The following SPATA13 variants were observed in gnomAD, a reference collection of about 807,000 sequenced individuals.
SPATA13 encodes the protein spermatogenesis-associated protein 13.
In SPATA13, 50 loss-of-function variants were observed where a neutral mutation model predicts 104.0. That is an observed-to-expected ratio of 0.48 (90% confidence interval 0.38 to 0.61). SPATA13 has a LOEUF of 0.61. SPATA13 is among the 20% of genes least tolerant of loss of function. SPATA13 has a pLI of 0.00. For missense variants in SPATA13, 1,524 were observed against 1,690.6 expected (o/e 0.90, Z 1.73); for synonymous variants, 606 against 667.5 (o/e 0.91, Z 1.42).
intron 1 of SPATA13, among the ~76,000 whole-genome samples, chr13:24,173,324 A>G (rs1883064214): frequency 1.3e-5 from 2 of 150,788 alleles, no homozygotes; most frequent in Non-Finnish European, 2.9e-5. Context: ...TTTGGCTTGT[A>G]TCCTGCAACC....
In SPATA13 at chr13:24,161,650, A is replaced by G. The variant is rs1882499936; in HGVS notation, c.-112+718A>G. ...GGGCTGGGCCACCCATCTGACTGCA[A>G]GGTTACAGAGCTTGAGCAAATTTCC... On this transcript the variant is annotated intron_variant, in intron 1 of 12. Coordinates refer to ENST00000382108, the MANE Select transcript of SPATA13 (RefSeq NM_001166271.3). This position sits in a 1 kb window ranked among gnomAD's most constrained non-coding sequence, Gnocchi z 4.5. Among the ~76,000 whole-genome samples the G allele has an allele frequency of 6.6e-6, 1 of 152,206 alleles. No individual in the cohort carries two copies. Among genetic ancestry groups the G allele is most frequent in the Admixed American group, 6.5e-5 (1 of 15,288 alleles).
At chr13:24,184,916 A>G (rs537104060) in intron 1 of SPATA13, among the ~76,000 whole-genome samples, 5 of 152,310 alleles carry the variant, frequency 3.3e-5, no homozygotes, top group African/African-American at 7.2e-5. Context: ...GACGGAGTCT[A>G]CGGAAAATGA....
At chr13:24,279,248 G>A (rs1466079448) in intron 4 of SPATA13, among the ~76,000 whole-genome samples, 1 of 152,166 alleles carries the variant, frequency 6.6e-6, no homozygotes, top group East Asian at 1.9e-4. Flanking sequence ...GGGCTGTCAG[G>A]CACACGGAGC....
intron 3 of SPATA13, among the ~76,000 whole-genome samples, chr13:24,128,111 A>G (rs1052139693): frequency 2.0e-5 from 3 of 152,150 alleles, no homozygotes; most frequent in African/African-American, 7.2e-5. Context: ...TGACATATCA[A>G]CTGTAAATCC....
At chr13:24,187,567 A>G (rs556689706) in intron 1 of SPATA13, among the ~76,000 whole-genome samples, 43 of 152,324 alleles carry the variant, frequency 2.8e-4, no homozygotes, top group African/African-American at 9.4e-4. Context: ...CATTGTTACA[A>G]TAGCATGTGC....
At chr13:24,156,400 C>G (rs1230908871), upstream of SPATA13, among the ~76,000 whole-genome samples, 2 of 152,094 alleles carry the variant, frequency 1.3e-5, no homozygotes, top group African/African-American at 2.4e-5. Context: ...AGGGAGGCAC[C>G]GTAGATGGCA....
intron 3 of SPATA13, among the ~76,000 whole-genome samples, chr13:24,097,462 T>C (rs10444656): frequency 0.38 from 58,041 of 151,952 alleles, 11,387 homozygotes; most frequent in Non-Finnish European, 0.42. Flanking sequence ...GTGTGGGTGA[T>C]GACCACTTTT....
At chr13:24,075,949 T>TG (rs962942471) in intron 3 of SPATA13, among the ~76,000 whole-genome samples, 1 of 152,102 alleles carries the variant, frequency 6.6e-6, no homozygotes, top group Non-Finnish European at 1.5e-5. Flanking sequence ...TAGTCTAGAA[T>TG]GGGGGAAAAA....
intron 3 of SPATA13, among the ~76,000 whole-genome samples, chr13:24,104,703 G>A (rs1880381529): frequency 6.6e-6 from 1 of 152,146 alleles, no homozygotes; most frequent in South Asian, 2.1e-4. Flanking sequence ...ATTAACTGAG[G>A]ATCTATCTAA....
In SPATA13 at chr13:24,249,776, C is replaced by T. The variant is rs139541678; in HGVS notation, c.1953C>T (p.Ser651=). The change falls in exon 3 of 13, where the codon TCC becomes TCT. Residue 651 remains serine, a synonymous_variant. Coordinates refer to ENST00000382108, the MANE Select transcript of SPATA13 (RefSeq NM_001166271.3). ...GAGCCCGGAGAAGGCGCCCCATTTC[C>T]GTGATAGGTGGGGTCAGCTTGTATG... ...PKGARRRRPI[S]VIGGVSLYGT... The T allele has an allele frequency of 9.3e-6, 15 of 1,613,846 alleles. No homozygotes were observed. The highest frequency in any genetic ancestry group is 2.7e-5 in the African/African-American group (2 of 74,918).
At position 24,181,689 on chromosome 13, in the gene SPATA13, A is replaced by G. The variant is rs114526767; in HGVS notation, c.-112+20757A>G. ...GGGAAGTAACACGCATAGAGCTGTC[A>G]TCTGCTATAATAATAACGCCTTCTT... On this transcript the variant is annotated intron_variant, in intron 1 of 12. Coordinates refer to ENST00000382108, the MANE Select transcript of SPATA13 (RefSeq NM_001166271.3). Among the ~76,000 whole-genome samples the G allele has an allele frequency of 3.5e-3, 539 of 151,860 alleles. 2 individuals carry two copies. The highest frequency in any genetic ancestry group is 0.012 in the African/African-American group (486 of 41,402).
At chr13:24,219,990 C>T (rs1032675293) in intron 1 of SPATA13, among the ~76,000 whole-genome samples, 1 of 152,270 alleles carries the variant, frequency 6.6e-6, no homozygotes, top group Non-Finnish European at 1.5e-5. Flanking sequence ...CCTGGTCCCC[C>T]AAATGTACTG....
At chr13:24,244,070 A>C (rs1872986391) in intron 2 of SPATA13, among the ~76,000 whole-genome samples, 1 of 152,182 alleles carries the variant, frequency 6.6e-6, no homozygotes. Context: ...GGGGCTTCTT[A>C]GCCTCTTCCA....
chr13:24,063,160 T>C (rs1205924567), intron 3 of SPATA13, among the ~76,000 whole-genome samples: 1 of 152,060 alleles, frequency 6.6e-6, no homozygotes, highest in Non-Finnish European at 1.5e-5. Context: ...TGGCCCCAGG[T>C]CTGCCCCACG....
At chr13:24,049,112 G>A (rs1878248072) in intron 3 of SPATA13, among the ~76,000 whole-genome samples, 1 of 152,188 alleles carries the variant, frequency 6.6e-6, no homozygotes, top group Non-Finnish European at 1.5e-5. Context: ...GACATGATGA[G>A]GAGCCTAGAA....
At chr13:23,999,368 C>CAAAAAAAAAAAAAAAAAAAAAAA (rs34668799) in intron 2 of SPATA13, among the ~76,000 whole-genome samples, 1 of 94,364 alleles carries the variant, frequency 1.1e-5, no homozygotes, top group African/African-American at 4.1e-5. Flanking sequence ...CATTTTCTAC[C>CAAAAAAAAAAAAAAAAAAAAAAA]AAAAAAAAAA....
chr13:24,259,933 C>A (rs1873975224), intron 4 of SPATA13, among the ~76,000 whole-genome samples: 1 of 152,188 alleles, frequency 6.6e-6, no homozygotes, highest in South Asian at 2.1e-4. Context: ...AGCCACCACA[C>A]CCGGCCTGAG....
At chr13:24,162,961 A>G (rs542527567) in intron 1 of SPATA13, among the ~76,000 whole-genome samples, 6 of 152,234 alleles carry the variant, frequency 3.9e-5, no homozygotes, top group Non-Finnish European at 7.3e-5. Context: ...CATGAATTCT[A>G]TACCTGTAGG....
chr13:24,157,791 G>A (rs1363098614), upstream of SPATA13, among the ~76,000 whole-genome samples: 1 of 152,162 alleles, frequency 6.6e-6, no homozygotes, highest in African/African-American at 2.4e-5. Context: ...CCCTGGGGGA[G>A]CTCACAGCAC....
Sources: allele counts gnomAD v4.1 joint callset (sites outside exome capture counted in the v4.1 genomes callset), GRCh38; gene constraint gnomAD v4.1.1; non-coding constraint Gnocchi (gnomAD v3.1); transcripts MANE v1.5; gene names NCBI Gene and HGNC (gene_info 2026-07-23, HGNC 2026-07-21).